The following TENM3 variants were observed in gnomAD, a reference collection of about 807,000 sequenced individuals.
TENM3 encodes teneurin transmembrane protein 3.
A neutral mutation model predicts 255.1 loss-of-function variants in TENM3; 63 were observed. The observed-to-expected ratio is 0.25, with a 90% CI of 0.20 to 0.30. The LOEUF is 0.30. Ranked by LOEUF, TENM3 falls within the 10% of genes least tolerant of loss-of-function variation. The pLI, the probability that TENM3 is intolerant of heterozygous loss-of-function variation, is 1.00. For missense variants in TENM3, 2,929 were observed against 3,461.1 expected, an observed-to-expected ratio of 0.85 and a Z score of 3.86; for synonymous variants, 1,306 against 1,322.3, an observed-to-expected ratio of 0.99 and a Z score of 0.27.
intron 3 of TENM3, among the ~76,000 whole-genome samples, chr4:182,514,138 C>T (rs912529312): frequency 2.6e-5 from 4 of 152,190 alleles, no homozygotes; most frequent in African/African-American, 9.6e-5. Context: ...CAGTCACCTT[C>T]TACTCTGCTG....
At chr4:181,902,574 A>G in the TENM3 span, among the ~76,000 whole-genome samples, 1 of 152,324 alleles carries the variant, frequency 6.6e-6, no homozygotes, top group South Asian at 2.1e-4. Flanking sequence ...CATATACACC[A>G]TGGAATACTA....
chr4:181,477,664 T>C, the TENM3 span, among the ~76,000 whole-genome samples: 1 of 152,166 alleles, frequency 6.6e-6, no homozygotes, highest in Non-Finnish European at 1.5e-5. Flanking sequence ...GTAAAATATT[T>C]TAATCAGGGC....
At chr4:182,437,792 C>T (rs1012569580) in intron 3 of TENM3, among the ~76,000 whole-genome samples, 1 of 121,726 alleles carries the variant, frequency 8.2e-6, no homozygotes, top group Non-Finnish European at 1.8e-5. Flanking sequence ...AGCGAGACTC[C>T]GTCTAAAAAA....
chr4:181,685,106 T>A, the TENM3 span, among the ~76,000 whole-genome samples: 1 of 151,980 alleles, frequency 6.6e-6, no homozygotes, highest in African/African-American at 2.4e-5. Flanking sequence ...TGTTTTAACA[T>A]CTAAAAAGAT....
intron 1 of TENM3, among the ~76,000 whole-genome samples, chr4:182,163,320 G>T (rs1751484609): frequency 6.6e-6 from 1 of 152,126 alleles, no homozygotes; most frequent in Non-Finnish European, 1.5e-5. Flanking sequence ...TTGTCACGAA[G>T]AAGCCCAAAC....
the TENM3 span, among the ~76,000 whole-genome samples, chr4:182,067,688 G>A: frequency 1.3e-5 from 2 of 152,152 alleles, no homozygotes; most frequent in African/African-American, 4.8e-5. Flanking sequence ...TCTCTTGCTG[G>A]AATATTGGTG....
the TENM3 span, among the ~76,000 whole-genome samples, chr4:181,749,867 A>G: frequency 6.6e-6 from 1 of 152,148 alleles, no homozygotes; most frequent in Non-Finnish European, 1.5e-5. Context: ...GTGCTCTTAA[A>G]GGGGCTCCTT....
chr4:182,672,872 G>T, intron 6 of TENM3, 133 bp from the exon 7 acceptor site: 1 of 652,600 alleles, frequency 1.5e-6, no homozygotes, highest in Non-Finnish European at 2.6e-6. Context: ...CAAATTTTAT[G>T]AAAGTAATAT....
the TENM3 span, among the ~76,000 whole-genome samples, chr4:181,983,641 G>A: frequency 6.6e-6 from 1 of 151,998 alleles, no homozygotes; most frequent in Non-Finnish European, 1.5e-5. Flanking sequence ...ACCAATACAA[G>A]CAGAAATGAT....
chr4:182,634,435 GT>G (rs987224939), intron 5 of TENM3, among the ~76,000 whole-genome samples: 1 of 152,102 alleles, frequency 6.6e-6, no homozygotes, highest in African/African-American at 2.4e-5. Flanking sequence ...ACCTATCCCA[GT>G]TTTTAAAAAT....
the TENM3 span, among the ~76,000 whole-genome samples, chr4:181,666,496 G>A: frequency 1.3e-5 from 2 of 152,058 alleles, no homozygotes; most frequent in Non-Finnish European, 2.9e-5. Flanking sequence ...TTAAAAAGCA[G>A]AATTGGCATT....
chr4:182,724,167 T>G (rs1468215542), intron 13 of TENM3, among the ~76,000 whole-genome samples: 1 of 152,220 alleles, frequency 6.6e-6, no homozygotes, highest in East Asian at 1.9e-4. Flanking sequence ...CTGATTTATG[T>G]AGATTTTTAT....
intron 6 of TENM3, among the ~76,000 whole-genome samples, chr4:182,659,484 G>A (rs1754035037): frequency 6.6e-6 from 1 of 152,086 alleles, no homozygotes; most frequent in Non-Finnish European, 1.5e-5. Flanking sequence ...ACAGTTCCAG[G>A]CATCCACTGG....
the TENM3 span, among the ~76,000 whole-genome samples, chr4:181,526,742 G>C: frequency 6.6e-6 from 1 of 152,096 alleles, no homozygotes; most frequent in Non-Finnish European, 1.5e-5. Context: ...GAGGAATTGA[G>C]ACTATTAGAG....
At chr4:181,615,495 G>A in the TENM3 span, among the ~76,000 whole-genome samples, 3 of 152,168 alleles carry the variant, frequency 2.0e-5, no homozygotes, top group African/African-American at 4.8e-5. Context: ...GCCCTTGAAT[G>A]TATTACCATT....
chr4:182,164,760 T>C (rs569058131), intron 1 of TENM3, among the ~76,000 whole-genome samples: 15 of 152,192 alleles, frequency 9.9e-5, no homozygotes, highest in Non-Finnish European at 1.6e-4. Context: ...TGAATATTTA[T>C]TGGTTGAATG....
Position 182,796,696 on chromosome 4 carries a change from C to T in TENM3, c.7273C>T (p.Pro2425Ser). Residue 2425 changes from proline to serine, a missense_variant, in exon 27 of 28, where the codon CCT becomes TCT. By Grantham distance (74) the Pro-to-Ser change is moderately conservative. Around this residue, in one of 6 missense-constraint regions of TENM3, gnomAD observed 476 missense variants for 480.1 expected, o/e 0.99. Transcript: ENST00000511685. ...TCTGCACAATGCTATTCCTGGATTC[C>T]CTGTTCCCAAATTTGATTTAACAGA... Reference protein sequence around the residue: ...FHLHNAIPGFPVPKFDLTEPS... With the variant: ...FHLHNAIPGFSVPKFDLTEPS... 6.2e-7 allele frequency: 1 copy of T among 1,612,952 alleles called. No homozygotes were observed.
chr4:181,948,763 G>T, the TENM3 span, among the ~76,000 whole-genome samples: 1 of 152,096 alleles, frequency 6.6e-6, no homozygotes, highest in South Asian at 2.1e-4. Context: ...TTCTCTGGTG[G>T]CTGAAAAGTA....
the TENM3 span, among the ~76,000 whole-genome samples, chr4:181,599,723 G>T: frequency 3.3e-5 from 5 of 152,066 alleles, no homozygotes; most frequent in South Asian, 8.3e-4. Context: ...CATTGGAAAA[G>T]GTAATTGCTA....
Sources: gnomAD v4.1 joint callset for allele counts (sites outside exome capture counted in the v4.1 genomes callset) on GRCh38, gnomAD v4.1.1 for gene constraint, gnomAD v4.1.1 regional missense constraint, MANE v1.5 for transcripts, NCBI Gene and HGNC (gene_info 2026-07-23, HGNC 2026-07-21) for gene names.